MRE11: variants seen among roughly 807,000 people sequenced by gnomAD.
MRE11 encodes MRE11 double strand break repair nuclease, also known as double-strand break repair protein MRE11.
In MRE11, 62 loss-of-function variants were observed where a neutral mutation model predicts 91.7. The observed-to-expected ratio is 0.68, with a 90% confidence interval of 0.55 to 0.84. The LOEUF (loss-of-function observed/expected upper bound fraction) is 0.84. Among genes scored for constraint, MRE11 ranks in the 40% least tolerant of loss-of-function variants. The pLI, the probability that MRE11 is intolerant of heterozygous loss-of-function variation, is 0.00. For missense variants in MRE11, 796 were observed against 852.9 expected, an observed-to-expected ratio of 0.93 and a Z score of 0.83; for synonymous variants, 273 against 271.4, an observed-to-expected ratio of 1.01 and a Z score of -0.06.
At chr11:94,422,987 A>G (rs565341037) in intron 19 of MRE11, among the ~76,000 whole-genome samples, 1 of 152,314 alleles carries the variant, frequency 6.6e-6, no homozygotes. Context: ...TGCTGGGATT[A>G]CAGGCATGAG....
chr11:94,429,853 CTATT>C lies in MRE11; in HGVS notation c.2070+54_2070+57del, dbSNP rs1945415438. 22 of 1,425,806 alleles carry C rather than the reference CTATT, an allele frequency of 1.5e-5. 1 individual carries two copies. The South Asian group carries it at 2.7e-4, about 18-fold the overall frequency. 88.3% of individuals were successfully genotyped at this position (1,425,806 alleles called of 1,614,324 possible). On this transcript the variant is annotated intron_variant, in intron 19 of 19. Coordinates refer to ENST00000323929, the MANE Select transcript of MRE11 (RefSeq NM_005591.4). ...AAGTTCAGCAACTAGCTGGCAGTCTCTATTTAAATTTTATAAAGTTAAAAATTAA... is the reference window on the plus strand; with the variant it reads ...AAGTTCAGCAACTAGCTGGCAGTCTCTAAATTTTATAAAGTTAAAAATTAA...
At chr11:94,474,020 T>C (rs1946786085) in intron 7 of MRE11, among the ~76,000 whole-genome samples, 1 of 152,224 alleles carries the variant, frequency 6.6e-6, no homozygotes, top group East Asian at 1.9e-4. Flanking sequence ...TATATAGACA[T>C]GTATGTATGC....
intron 11 of MRE11, among the ~76,000 whole-genome samples, chr11:94,461,456 T>C (rs1257214230): frequency 2.0e-5 from 3 of 152,192 alleles, no homozygotes; most frequent in Admixed American, 6.5e-5. Flanking sequence ...AGTTCGGTAT[T>C]GATGGAACAT....
chr11:94,435,767 T>G (rs989568666), intron 18 of MRE11, 65 bp downstream of exon 18: 12 of 1,376,646 alleles, frequency 8.7e-6, no homozygotes, highest in Non-Finnish European at 2.1e-6. Context: ...ATGTGTAACT[T>G]TGGAATTCTG....
intron 7 of MRE11, among the ~76,000 whole-genome samples, chr11:94,473,776 T>C (rs1946776840): frequency 1.3e-5 from 2 of 152,160 alleles, no homozygotes; most frequent in South Asian, 4.1e-4. Flanking sequence ...AAAGTTGTTT[T>C]GCACAGGGGT....
intron 17 of MRE11, among the ~76,000 whole-genome samples, chr11:94,436,767 T>C (rs1055414424): frequency 2.0e-5 from 3 of 152,198 alleles, no homozygotes; most frequent in African/African-American, 4.8e-5. Context: ...ACTCCAGCCT[T>C]TTCATTCATC....
Position 94,466,525 on chromosome 11 carries a change from T to C in MRE11, c.1098+1288A>G, listed in dbSNP as rs186423401. Reference sequence around the variant, plus strand: ...TTGGTTGGTGCACAAGTAACTGCAGTTTTTGCCATTACTTTCTACGACAAA... The same window carrying C: ...TTGGTTGGTGCACAAGTAACTGCAGCTTTTGCCATTACTTTCTACGACAAA... On this transcript the variant is annotated intron_variant, in intron 10 of 19. Coordinates refer to ENST00000323929, the MANE Select transcript of MRE11 (RefSeq NM_005591.4). The C allele has an allele frequency of 6.0e-5, 32 of 530,208 alleles. 1 individual carries two copies. The Admixed American group carries it at 6.2e-4, about 10-fold the overall frequency. 32.8% of individuals were successfully genotyped at this position (530,208 alleles called of 1,614,324 possible). A position where few individuals can be genotyped will look rare whatever the true frequency, so the allele number is the denominator to read the frequency against.
intron 2 of MRE11, among the ~76,000 whole-genome samples, chr11:94,491,714 A>T (rs772507397): frequency 6.6e-6 from 1 of 152,172 alleles, no homozygotes; most frequent in Non-Finnish European, 1.5e-5. Flanking sequence ...CAGGACTAAA[A>T]CCCATGATGA....
Position 94,460,971 on chromosome 11 carries a change from C to A in MRE11, c.1291G>T (p.Asp431Tyr). ...PSEGTTLRVE[D>Y]LVKQYFQTAE... ...GTTTGAAAGTACTGTTTTACAAGAT[C>A]TTCTACCCTTAAAGTTGTTCCTTCT... is the stretch of plus-strand genomic sequence containing the variant. Residue 431 changes from aspartate (D) to tyrosine (Y), a missense_variant, in exon 12 of 20, where the codon GAT becomes TAT. Transcript: ENST00000323929. 6.2e-7 allele frequency: 1 copy of A among 1,613,812 alleles called. No homozygotes were observed. Among genetic ancestry groups the A allele is most frequent in the Non-Finnish European group, 8.5e-7 (1 of 1,179,948 alleles).
intron 7 of MRE11, among the ~76,000 whole-genome samples, chr11:94,472,495 T>C (rs1946743731): frequency 6.6e-6 from 1 of 152,146 alleles, no homozygotes; most frequent in Admixed American, 6.6e-5. Flanking sequence ...TTATGTCAGA[T>C]GTCCCAGGCT....
chr11:94,419,185 T>C lies in MRE11; in HGVS notation c.*940A>G, dbSNP rs1945098696. The stretch of plus-strand genomic sequence containing the variant: ...AGAAGCTTAACATGGGCTACTAAGA[T>C]TTCTGGAATTGCCCATTCAGAAATG... On this transcript the variant is annotated 3_prime_UTR_variant, in exon 20 of 20. Transcript: ENST00000323929. 4.3e-6 allele frequency: 1 copy of C among 232,728 alleles called. No individual in the cohort carries two copies. Among genetic ancestry groups the C allele is most frequent in the Non-Finnish European group, 8.5e-6 (1 of 117,866 alleles). 14.4% of individuals were successfully genotyped at this position (232,728 alleles called of 1,614,324 possible).
chr11:94,475,727 A>G (rs1946835324), intron 7 of MRE11: 2 of 431,158 alleles, frequency 4.6e-6, no homozygotes, highest in African/African-American at 4.1e-5. Flanking sequence ...AAACATGTCT[A>G]AGAATGTTCA....
chr11:94,452,143 G>C (rs562249115), intron 14 of MRE11, among the ~76,000 whole-genome samples: 1 of 148,982 alleles, frequency 6.7e-6, no homozygotes, highest in South Asian at 2.1e-4. Context: ...GTTGCAGTGA[G>C]CTGAGATCAC....
chr11:94,461,955 G>C (rs1946430014), intron 11 of MRE11, among the ~76,000 whole-genome samples: 1 of 152,116 alleles, frequency 6.6e-6, no homozygotes, highest in African/African-American at 2.4e-5. Flanking sequence ...GGTGCCTGTA[G>C]TCCCAGCGAC....
At chr11:94,436,002 G>A (rs1945600897) in intron 17 of MRE11, 103 bp from the exon 18 acceptor site, 2 of 1,070,738 alleles carry the variant, frequency 1.9e-6, no homozygotes, top group Non-Finnish European at 2.9e-6. Context: ...AGTTATATAT[G>A]AGCCACAAAA....
intron 18 of MRE11, among the ~76,000 whole-genome samples, chr11:94,433,345 A>G (rs993915747): frequency 6.6e-6 from 1 of 152,264 alleles, no homozygotes; most frequent in East Asian, 1.9e-4. Context: ...AACAACATCC[A>G]ATACCTTTGT....
intron 6 of MRE11, among the ~76,000 whole-genome samples, chr11:94,478,076 G>T (rs1946916103): frequency 6.6e-6 from 1 of 152,186 alleles, no homozygotes; most frequent in Non-Finnish European, 1.5e-5. Flanking sequence ...ACAGAGTCCA[G>T]TTAAGGAAGG....
chr11:94,457,577 G>A (rs1471160968), intron 13 of MRE11, among the ~76,000 whole-genome samples: 3 of 152,112 alleles, frequency 2.0e-5, no homozygotes, highest in Admixed American at 2.0e-4. Context: ...GCATACCAAA[G>A]GTGCTAAGCC....
intron 10 of MRE11, 26 bp downstream of exon 10, chr11:94,467,787 A>G (rs915786078): frequency 9.1e-5 from 139 of 1,533,900 alleles, no homozygotes; most frequent in Non-Finnish European, 1.2e-4. Context: ...AATTAATAAT[A>G]TTCAATCTAT....
Sources: allele counts gnomAD v4.1 joint callset (sites outside exome capture counted in the v4.1 genomes callset), GRCh38; gene constraint gnomAD v4.1.1; transcripts MANE v1.5; gene names NCBI Gene and HGNC (gene_info 2026-07-23, HGNC 2026-07-21).